Variants in STARD13 observed in about 807,000 individuals in gnomAD.
The protein encoded by STARD13 is stAR-related lipid transfer protein 13.
In STARD13, 62 loss-of-function variants were observed where a neutral mutation model predicts 106.4. That is an observed-to-expected ratio of 0.58 (90% CI 0.48 to 0.72). The LOEUF (loss-of-function observed/expected upper bound fraction) is 0.72. Among genes scored for constraint, STARD13 ranks in the 30% least tolerant of loss-of-function variants. The pLI is 0.00. For missense variants in STARD13, 1,387 were observed against 1,424.0 expected, an observed-to-expected ratio of 0.97 and a Z score of 0.42; for synonymous variants, 565 against 553.0, an observed-to-expected ratio of 1.02 and a Z score of -0.31.
At chr13:33,460,192 A>G in the STARD13 span, among the ~76,000 whole-genome samples, 3 of 152,036 alleles carry the variant, frequency 2.0e-5, no homozygotes, top group African/African-American at 7.2e-5. Flanking sequence ...GGTCAATGGT[A>G]AAAAGAAAGA....
chr13:33,427,803 A>C, the STARD13 span, among the ~76,000 whole-genome samples: 1 of 152,094 alleles, frequency 6.6e-6, no homozygotes, highest in Non-Finnish European at 1.5e-5. Flanking sequence ...TAAAAATACA[A>C]AATTAGCCGG....
chr13:33,468,190 T>C, the STARD13 span, among the ~76,000 whole-genome samples: 1 of 152,176 alleles, frequency 6.6e-6, no homozygotes, highest in Non-Finnish European at 1.5e-5. Context: ...ATATTCTAAA[T>C]CGGAATTTAT....
At chr13:33,598,421 G>C in the STARD13 span, among the ~76,000 whole-genome samples, 1 of 152,030 alleles carries the variant, frequency 6.6e-6, no homozygotes, top group Admixed American at 6.6e-5. Context: ...CCCTATTTGG[G>C]TACTAAATGA....
chr13:33,583,838 C>A, the STARD13 span, among the ~76,000 whole-genome samples: 2 of 120,640 alleles, frequency 1.7e-5, no homozygotes, highest in Non-Finnish European at 3.4e-5. Context: ...TCGCTCAGCA[C>A]CATGCCTGGC....
At chr13:33,319,688 G>T (rs1188833939) in intron 1 of STARD13, among the ~76,000 whole-genome samples, 2 of 152,122 alleles carry the variant, frequency 1.3e-5, no homozygotes, top group Non-Finnish European at 2.9e-5. Flanking sequence ...CTTGGTGTGG[G>T]TCAATCATTT....
At chr13:33,618,995 T>C in the STARD13 span, among the ~76,000 whole-genome samples, 1 of 152,020 alleles carries the variant, frequency 6.6e-6, no homozygotes, top group African/African-American at 2.4e-5. Context: ...AAAAATTCCA[T>C]GAGTCCTAAA....
In STARD13 at chr13:33,129,301, T is replaced by A; in HGVS notation, c.1376A>T (p.Tyr459Phe). Residue 459 changes from tyrosine (Y) to phenylalanine (F), a missense_variant, in exon 5 of 14, where the codon TAT becomes TTT. Physicochemically the swap from Tyr to Phe is conservative, Grantham distance 22. Coordinates refer to ENST00000336934, the MANE Select transcript of STARD13 (RefSeq NM_178006.4). ...CAGATGGGAGCCAGGGACATTGTCATAGATACTGACTCGGCTGGCTCTGTG... is the reference window on the plus strand; with the variant it reads ...CAGATGGGAGCCAGGGACATTGTCAAAGATACTGACTCGGCTGGCTCTGTG... ...SCHRASRVSI[Y>F]DNVPGSHLYA... The A allele has an allele frequency of 6.2e-7, 1 of 1,614,162 alleles. No individual in the cohort carries two copies. Among genetic ancestry groups the A allele is most frequent in the South Asian group, 1.1e-5 (1 of 91,076 alleles).
chr13:33,553,506 T>C, the STARD13 span, among the ~76,000 whole-genome samples: 1 of 151,904 alleles, frequency 6.6e-6, no homozygotes, highest in Non-Finnish European at 1.5e-5. Flanking sequence ...ACCAATATGT[T>C]AATAGTAATT....
chr13:33,260,889 G>A (rs1025093841), intron 1 of STARD13, among the ~76,000 whole-genome samples: 2 of 152,184 alleles, frequency 1.3e-5, no homozygotes, highest in African/African-American at 4.8e-5. Flanking sequence ...TTCAAGAAGA[G>A]TTAACACTTA....
In STARD13 at chr13:33,296,533, C is replaced by T. The variant is rs377305579; in HGVS notation, c.124+53757G>A. Among the ~76,000 whole-genome samples, 202 of 152,168 alleles carry T rather than the reference C, an allele frequency of 1.3e-3. 2 individuals carry two copies. Among genetic ancestry groups the T allele is most frequent in the African/African-American group, 4.7e-3 (194 of 41,532 alleles). ...ATAGTCACCATCCTGTACATTAAAT[C>T]CCCAGAACTTAGCATCTCCCCCATT... On this transcript the variant is annotated intron_variant, in intron 1 of 5. Transcript: ENST00000567873.
the STARD13 span, among the ~76,000 whole-genome samples, chr13:33,626,690 A>C: frequency 6.6e-6 from 1 of 152,206 alleles, no homozygotes. Context: ...GAAACATGTC[A>C]TCCACTCCCC....
At chr13:33,220,789 A>T (rs1888315211) in intron 1 of STARD13, among the ~76,000 whole-genome samples, 1 of 152,272 alleles carries the variant, frequency 6.6e-6, no homozygotes, top group East Asian at 1.9e-4. Context: ...ATTCTAATGG[A>T]TTACACTATG....
intron 1 of STARD13, among the ~76,000 whole-genome samples, chr13:33,308,773 C>A (rs537997944): frequency 6.6e-6 from 1 of 152,174 alleles, no homozygotes. Flanking sequence ...ATCCACCCGC[C>A]TTGGCCTCCC....
chr13:33,273,047 C>T (rs764783384), intron 1 of STARD13, among the ~76,000 whole-genome samples: 3 of 152,182 alleles, frequency 2.0e-5, no homozygotes, highest in African/African-American at 4.8e-5. Context: ...TTATTGATAG[C>T]GCCCTCTTGG....
At chr13:33,166,410 C>T (rs921449294) in intron 2 of STARD13, among the ~76,000 whole-genome samples, 1 of 152,080 alleles carries the variant, frequency 6.6e-6, no homozygotes, top group Non-Finnish European at 1.5e-5. Context: ...CTGGCACTCT[C>T]TTCCTTGGCC....
chr13:33,134,022 T>C (rs1878716504), intron 4 of STARD13, among the ~76,000 whole-genome samples: 1 of 152,242 alleles, frequency 6.6e-6, no homozygotes, highest in Non-Finnish European at 1.5e-5. Flanking sequence ...AGGAGTCAGA[T>C]GTGTTTATAA....
chr13:33,359,746 A>G, the STARD13 span, among the ~76,000 whole-genome samples: 3 of 152,152 alleles, frequency 2.0e-5, no homozygotes, highest in East Asian at 5.8e-4. Context: ...TAATGGCCAA[A>G]GTTGTCCCTT....
chr13:33,434,930 GA>G, the STARD13 span, among the ~76,000 whole-genome samples: 1 of 151,428 alleles, frequency 6.6e-6, no homozygotes, highest in African/African-American at 2.4e-5. Context: ...AGGAAGGAAG[GA>G]AGGAAGGAAG....
At chr13:33,367,547 A>G in the STARD13 span, among the ~76,000 whole-genome samples, 958 of 152,232 alleles carry the variant, frequency 6.3e-3, 13 homozygotes, top group East Asian at 0.026. Flanking sequence ...ACAACAATAA[A>G]ACATACCTCA....
Sources: allele counts gnomAD v4.1 joint callset (sites outside exome capture counted in the v4.1 genomes callset), GRCh38; gene constraint gnomAD v4.1.1; transcripts MANE v1.5; gene names NCBI Gene and HGNC (gene_info 2026-07-23, HGNC 2026-07-21).